Variants in WAPL observed in about 807,000 individuals in gnomAD.
WAPL encodes wings apart-like protein homolog.
Under a neutral mutation model 121.0 loss-of-function variants are expected in WAPL, and 5 were observed. The observed-to-expected ratio is 0.04, with a 90% CI of 0.02 to 0.09. The LOEUF is 0.09. Ranked by LOEUF, WAPL falls within the 10% of genes least tolerant of loss-of-function variation. The probability of loss-of-function intolerance (pLI) is 1.00; values close to 1 mark genes in which losing one functional copy is unlikely to be tolerated. For synonymous variants in WAPL, 480 were observed against 481.5 expected (o/e 1.00, Z 0.04); for missense variants, 999 against 1,410.8 (o/e 0.71, Z 4.68).
chr10:86,496,102 G>A lies in WAPL; in HGVS notation c.1644+1099C>T, dbSNP rs150947405. 9.6e-3 allele frequency among the ~76,000 whole-genome samples: 1,456 copies of A among 152,218 alleles called. 29 individuals carry two copies. The highest frequency in any genetic ancestry group is 0.033 in the African/African-American group (1,354 of 41,526). ...GCACTCCAGCCTGGGCAACAAGAGC[G>A]AAACTCCATCTAAAACAAACAAACA... On this transcript the variant is annotated intron_variant, in intron 4 of 18. Transcript: ENST00000298767.
chr10:86,450,780 T>G (rs2132171511), intron 15 of WAPL, among the ~76,000 whole-genome samples: 1 of 152,284 alleles, frequency 6.6e-6, no homozygotes, highest in Admixed American at 6.5e-5. Context: ...AAACTAAAAC[T>G]TCAAGGCTAG....
At chr10:86,459,910 T>C (rs970615905) in intron 11 of WAPL, among the ~76,000 whole-genome samples, 18 of 152,164 alleles carry the variant, frequency 1.2e-4, no homozygotes, top group African/African-American at 3.9e-4. Flanking sequence ...AACTAGGAGT[T>C]TGAGACCAGC....
intron 2 of WAPL, among the ~76,000 whole-genome samples, chr10:86,510,167 C>T (rs1043164060): frequency 5.4e-5 from 8 of 149,242 alleles, no homozygotes; most frequent in Admixed American, 3.4e-4. Flanking sequence ...CTCTGCCTAC[C>T]GGGTTTAAGC....
intron 8 of WAPL, among the ~76,000 whole-genome samples, chr10:86,470,657 A>T (rs776193254): frequency 6.6e-6 from 1 of 152,244 alleles, no homozygotes; most frequent in East Asian, 1.9e-4. Context: ...ATTAGTATCA[A>T]ATAATATTAA....
chr10:86,518,216 T>C (rs1193016870), intron 1 of WAPL, 125 bp from the exon 2 acceptor site: 21 of 913,346 alleles, frequency 2.3e-5, no homozygotes, highest in Non-Finnish European at 3.3e-5. Flanking sequence ...GACTTTTAAA[T>C]AAACAAATAT....
chr10:86,494,446 T>TCTGTTA (rs1244972124), intron 4 of WAPL, among the ~76,000 whole-genome samples: 1 of 152,154 alleles, frequency 6.6e-6, no homozygotes. Flanking sequence ...AAAGAGTAAA[T>TCTGTTA]CTGTTACCAT....
At position 86,506,112 on chromosome 10, in the gene WAPL, G is replaced by A. The variant is rs189056966; in HGVS notation, c.500-5369C>T. On this transcript the variant is annotated intron_variant, in intron 2 of 18. Coordinates refer to ENST00000298767, the MANE Select transcript of WAPL (RefSeq NM_015045.5). Reference sequence around the variant, plus strand: ...TAGCTGACTGTGATGGTACACACCCGTGGTCCCAACTTCTCAGGAGGCTGA... The same window carrying A: ...TAGCTGACTGTGATGGTACACACCCATGGTCCCAACTTCTCAGGAGGCTGA... Among the ~76,000 whole-genome samples, 130 of 152,256 alleles carry A rather than the reference G, an allele frequency of 8.5e-4. 1 individual carries two copies. Among genetic ancestry groups the A allele is most frequent in the Non-Finnish European group, 2.1e-4 (14 of 68,012 alleles).
At chr10:86,504,956 A>C (rs1389486700) in intron 2 of WAPL, among the ~76,000 whole-genome samples, 2 of 152,180 alleles carry the variant, frequency 1.3e-5, no homozygotes, top group Non-Finnish European at 1.5e-5. Context: ...CTCATCTCTT[A>C]AAAGATACAT....
intron 2 of WAPL, among the ~76,000 whole-genome samples, chr10:86,513,769 C>T (rs1842509355): frequency 6.6e-6 from 1 of 152,168 alleles, no homozygotes; most frequent in South Asian, 2.1e-4. Flanking sequence ...TGGATAAGCC[C>T]TTTTCACTGA....
rs752820242 is a variant in WAPL, at chr10:86,451,948, T to A, written c.3114+19A>T. The stretch of plus-strand genomic sequence containing the variant: ...CAACAAACTGCAGTTATGAGTTTGT[T>A]TTTAAAGTGGTTGCTTACCTGCACT... On this transcript the variant is annotated intron_variant, in intron 15 of 18. Transcript: ENST00000298767. 1 of 1,611,012 alleles carries A rather than the reference T, an allele frequency of 6.2e-7. No homozygotes were observed. Among genetic ancestry groups the A allele is most frequent in the Non-Finnish European group, 8.5e-7 (1 of 1,178,656 alleles).
intron 4 of WAPL, among the ~76,000 whole-genome samples, chr10:86,490,472 C>A (rs1270636491): frequency 6.6e-6 from 1 of 151,824 alleles, no homozygotes. Flanking sequence ...ATGTTACTAG[C>A]AAAGAAATTA....
chr10:86,476,491 C>A (rs1051402242), intron 4 of WAPL, among the ~76,000 whole-genome samples: 3 of 152,038 alleles, frequency 2.0e-5, no homozygotes, highest in African/African-American at 7.2e-5. Context: ...GAGTTTGAGA[C>A]CAGCCTGGCC....
At chr10:86,492,823 G>A (rs557881970) in intron 4 of WAPL, among the ~76,000 whole-genome samples, 16 of 152,226 alleles carry the variant, frequency 1.1e-4, no homozygotes, top group East Asian at 5.8e-4. Flanking sequence ...TTGGGAAGCC[G>A]AGGCGAGCAG....
chr10:86,472,853 A>G lies in WAPL; in HGVS notation c.1741-89T>C. ...TATCTGGCAAATTCAGCTTCAAAAA[A>G]AAGTAAATAAAGCTTTTTAAAAAGC... is the stretch of plus-strand genomic sequence containing the variant. On this transcript the variant is annotated intron_variant, in intron 5 of 18. Transcript: ENST00000298767. This position sits in a 1 kb window ranked among gnomAD's most constrained non-coding sequence, Gnocchi z 4.2. 7.5e-7 allele frequency: 1 copy of G among 1,333,660 alleles called. No individual in the cohort carries two copies. The highest frequency in any genetic ancestry group is 1.0e-6 in the Non-Finnish European group (1 of 1,000,422). 82.6% of individuals were successfully genotyped at this position (1,333,660 alleles called of 1,614,324 possible).
chr10:86,472,815 G>A lies in WAPL; in HGVS notation c.1741-51C>T. On this transcript the variant is annotated intron_variant, in intron 5 of 18. Coordinates refer to ENST00000298767, the MANE Select transcript of WAPL (RefSeq NM_015045.5). The surrounding 1 kb of genome is among the most constrained non-coding windows in gnomAD (Gnocchi z 4.2). Reference sequence around the variant, plus strand: ...TGTTCTAAATAAATATATAAAAATAGGAACGTCTCATCTATCTGGCAAATT... The same window carrying A: ...TGTTCTAAATAAATATATAAAAATAAGAACGTCTCATCTATCTGGCAAATT... 6.7e-7 allele frequency: 1 copy of A among 1,484,518 alleles called. No homozygotes were observed. Among genetic ancestry groups the A allele is most frequent in the Non-Finnish European group, 9.0e-7 (1 of 1,111,962 alleles). 92.0% of individuals were successfully genotyped at this position (1,484,518 alleles called of 1,614,324 possible).
In WAPL at chr10:86,441,293, C is replaced by T. The variant is rs576822996; in HGVS notation, c.3411+1982G>A. Among the ~76,000 whole-genome samples, 8 of 152,318 alleles carry T rather than the reference C, an allele frequency of 5.3e-5. No individual in the cohort carries two copies. The South Asian group carries it at 1.7e-3, about 32-fold the overall frequency. ...CCCTTCATATTTGTTTTTCCCAAGG[C>T]AGCAGACTATCCCCATAGTCACAAC... On this transcript the variant is annotated intron_variant, in intron 17 of 18. Coordinates refer to ENST00000298767, the MANE Select transcript of WAPL (RefSeq NM_015045.5).
intron 16 of WAPL, among the ~76,000 whole-genome samples, chr10:86,445,195 C>A (rs1849577843): frequency 6.6e-6 from 1 of 152,186 alleles, no homozygotes; most frequent in Non-Finnish European, 1.5e-5. Context: ...ATAAGTCACA[C>A]ACATCCTCTG....
chr10:86,495,088 C>T (rs1842124559), intron 4 of WAPL, among the ~76,000 whole-genome samples: 1 of 152,082 alleles, frequency 6.6e-6, no homozygotes, highest in Non-Finnish European at 1.5e-5. Flanking sequence ...ATTCAATCTA[C>T]AAGAATAAAA....
intron 9 of WAPL, among the ~76,000 whole-genome samples, chr10:86,465,495 AC>A (rs1473557193): frequency 4.6e-5 from 7 of 152,184 alleles, no homozygotes; most frequent in Admixed American, 3.3e-4. Context: ...CGTGAGCCAC[AC>A]CGCCCAGCCT....
Sources: allele counts gnomAD v4.1 joint callset (sites outside exome capture counted in the v4.1 genomes callset), GRCh38; gene constraint gnomAD v4.1.1; non-coding constraint Gnocchi (gnomAD v3.1); transcripts MANE v1.5; gene names NCBI Gene and HGNC (gene_info 2026-07-23, HGNC 2026-07-21).